CALCR: variants seen among roughly 807,000 people sequenced by gnomAD.
CALCR encodes calcitonin receptor.
Under a neutral mutation model 59.5 loss-of-function variants are expected in CALCR, and 47 were observed. The observed-to-expected ratio is 0.79, with a 90% CI of 0.63 to 1.01. The LOEUF (loss-of-function observed/expected upper bound fraction) is 1.01, where lower values mean the gene tolerates loss of function less well. CALCR is among the 50% of genes least tolerant of loss of function. The probability of loss-of-function intolerance (pLI) is 0.00; values close to 1 mark genes in which losing one functional copy is unlikely to be tolerated. For missense variants in CALCR, 566 were observed against 597.1 expected, an observed-to-expected ratio of 0.95 and a Z score of 0.54; for synonymous variants, 213 against 211.3, an observed-to-expected ratio of 1.01 and a Z score of -0.07.
At chr7:93,498,512 G>A (rs1321635426) in intron 2 of CALCR, among the ~76,000 whole-genome samples, 1 of 151,632 alleles carries the variant, frequency 6.6e-6, no homozygotes, top group Non-Finnish European at 1.5e-5. Flanking sequence ...TCTAATAGCA[G>A]CCATGATAAA....
intron 2 of CALCR, among the ~76,000 whole-genome samples, chr7:93,505,132 TGTCTAGATAA>T (rs1801399247): frequency 6.6e-6 from 1 of 152,028 alleles, no homozygotes; most frequent in South Asian, 2.1e-4. Flanking sequence ...TTTTCAATGA[TGTCTAGATAA>T]GACTAGATAT....
chr7:93,490,996 A>G (rs1253175266), intron 2 of CALCR, among the ~76,000 whole-genome samples: 1 of 152,096 alleles, frequency 6.6e-6, no homozygotes, highest in Non-Finnish European at 1.5e-5. Flanking sequence ...ACACTACCTG[A>G]CTTCAAACTA....
chr7:93,439,601 G>GT lies in CALCR; in HGVS notation c.803-1332dup, dbSNP rs1358561952. 1.0e-3 allele frequency among the ~76,000 whole-genome samples: 157 copies of GT among 150,056 alleles called. 1 individual carries two copies. Among genetic ancestry groups the GT allele is most frequent in the South Asian group, 8.5e-3 (40 of 4,714 alleles). The stretch of plus-strand genomic sequence containing the variant: ...TCCTTTTAGGTAGTTTGCTTTTTCT[G>GT]TTTTTTTTTCTTTTTTCTTTCTCTC... On this transcript the variant is annotated intron_variant, in intron 9 of 13. Transcript: ENST00000426151.
intron 13 of CALCR, among the ~76,000 whole-genome samples, chr7:93,429,944 T>G (rs1160644320): frequency 1.7e-4 from 24 of 144,656 alleles, no homozygotes; most frequent in African/African-American, 5.4e-4. Context: ...GTTTTTTTGT[T>G]TTTTTTTGAG....
At chr7:93,526,203 T>C (rs954982748) in intron 2 of CALCR, among the ~76,000 whole-genome samples, 2 of 152,172 alleles carry the variant, frequency 1.3e-5, no homozygotes, top group Admixed American at 1.3e-4. Flanking sequence ...GTATGTTTGT[T>C]TAAGTGAGGA....
intron 3 of CALCR, chr7:93,483,929 G>A (rs1447518993): frequency 2.1e-6 from 1 of 475,260 alleles, no homozygotes; most frequent in Middle Eastern, 3.5e-4. Flanking sequence ...CTTAATTGTT[G>A]TCCCATGTAG....
chr7:93,510,597 G>T (rs1801524490), intron 2 of CALCR, among the ~76,000 whole-genome samples: 2 of 152,314 alleles, frequency 1.3e-5, no homozygotes, highest in South Asian at 2.1e-4. Flanking sequence ...GTGGGGTAAG[G>T]TGGCTCAAGC....
intron 5 of CALCR, among the ~76,000 whole-genome samples, chr7:93,477,172 A>T (rs966770806): frequency 6.6e-6 from 1 of 151,868 alleles, no homozygotes; most frequent in Non-Finnish European, 1.5e-5. Flanking sequence ...AGGGACCTAT[A>T]TGTTGTGCCC....
chr7:93,444,540 C>T (rs1799974081), intron 8 of CALCR, among the ~76,000 whole-genome samples: 1 of 151,934 alleles, frequency 6.6e-6, no homozygotes, highest in Non-Finnish European at 1.5e-5. Flanking sequence ...GCGGGGGCTG[C>T]CTTGTATGTT....
intron 7 of CALCR, chr7:93,462,255 T>C (rs1336876956): frequency 1.9e-6 from 1 of 518,808 alleles, no homozygotes; most frequent in Non-Finnish European, 3.3e-6. Context: ...GTTAAACAGG[T>C]ATAGGATGTA....
At chr7:93,487,057 T>C (rs141078082) in intron 2 of CALCR, 50 bp from the exon 3 acceptor site, 2 of 943,504 alleles carry the variant, frequency 2.1e-6, no homozygotes, top group East Asian at 2.5e-5. Context: ...ATCTCTAATA[T>C]TGGCTATGGC....
At chr7:93,539,344 T>C (rs749624382) in intron 2 of CALCR, among the ~76,000 whole-genome samples, 1 of 152,052 alleles carries the variant, frequency 6.6e-6, no homozygotes, top group Non-Finnish European at 1.5e-5. Context: ...AGTAGGTGTA[T>C]GATGATTATC....
At chr7:93,427,119 C>T (rs1799547214) in intron 13 of CALCR, among the ~76,000 whole-genome samples, 1 of 152,178 alleles carries the variant, frequency 6.6e-6, no homozygotes, top group South Asian at 2.1e-4. Flanking sequence ...GCCATGACAA[C>T]TTTTTAAGAA....
At chr7:93,492,463 A>G (rs976475892) in intron 2 of CALCR, among the ~76,000 whole-genome samples, 6 of 151,404 alleles carry the variant, frequency 4.0e-5, no homozygotes, top group African/African-American at 1.2e-4. Flanking sequence ...CAGTTTACCT[A>G]TTGGCATAAC....
At chr7:93,478,717 A>C (rs1460019090) in intron 4 of CALCR, among the ~76,000 whole-genome samples, 1 of 151,684 alleles carries the variant, frequency 6.6e-6, no homozygotes, top group African/African-American at 2.4e-5. Context: ...AGGAGAATTT[A>C]AAGGGATGTT....
intron 2 of CALCR, among the ~76,000 whole-genome samples, chr7:93,550,035 A>G (rs1036896862): frequency 1.6e-4 from 24 of 152,224 alleles, no homozygotes; most frequent in African/African-American, 5.5e-4. Context: ...CTTTAGCTAA[A>G]TACAACAATA....
chr7:93,477,652 G>T lies in CALCR; in HGVS notation c.222C>A (p.Arg74=). 6.2e-7 allele frequency: 1 copy of T among 1,608,594 alleles called. No homozygotes were observed. The highest frequency in any genetic ancestry group is 8.5e-7 in the Non-Finnish European group (1 of 1,176,002). The change falls in exon 5 of 14, where the codon CGC becomes CGA. Residue 74 remains arginine (R), a synonymous_variant. Coordinates refer to ENST00000426151, the MANE Select transcript of CALCR (RefSeq NM_001742.4). ...CCCAGCACAGCCATCCATCCCAGGTGCGATTGCAATATGGACCTGGCCATT... is the reference window on the plus strand; with the variant it reads ...CCCAGCACAGCCATCCATCCCAGGTTCGATTGCAATATGGACCTGGCCATT... ...AYQGEGPYCN[R]TWDGWLCWDD...
chr7:93,476,828 G>A (rs1800676814), intron 5 of CALCR, among the ~76,000 whole-genome samples: 1 of 151,862 alleles, frequency 6.6e-6, no homozygotes, highest in African/African-American at 2.4e-5. Context: ...GAGATTCCAG[G>A]AATGTAGCTG....
At chr7:93,499,337 C>T (rs1209889679) in intron 2 of CALCR, among the ~76,000 whole-genome samples, 5 of 151,770 alleles carry the variant, frequency 3.3e-5, no homozygotes, top group South Asian at 2.1e-4. Context: ...TGAAATACCA[C>T]GTGCTCTTCT....
Sources: gnomAD v4.1 joint callset for allele counts (sites outside exome capture counted in the v4.1 genomes callset) on GRCh38, gnomAD v4.1.1 for gene constraint, MANE v1.5 for transcripts, NCBI Gene and HGNC (gene_info 2026-07-23, HGNC 2026-07-21) for gene names.